MCTP1: variants seen among roughly 807,000 people sequenced by gnomAD.
MCTP1 encodes multiple C2 and transmembrane domain-containing protein 1.
Under a neutral mutation model 120.6 loss-of-function variants are expected in MCTP1, and 69 were observed. The observed-to-expected ratio is 0.57, with a 90% CI of 0.47 to 0.70. The LOEUF is 0.70. Among genes scored for constraint, MCTP1 ranks in the 30% least tolerant of loss-of-function variants. The probability of loss-of-function intolerance (pLI) is 0.00; values close to 1 mark genes in which losing one functional copy is unlikely to be tolerated. For synonymous variants in MCTP1, 529 were observed against 493.1 expected, an observed-to-expected ratio of 1.07 and a Z score of -0.96; for missense variants, 1,203 against 1,248.8, an observed-to-expected ratio of 0.96 and a Z score of 0.55.
chr5:94,985,265 A>C (rs951539473), intron 2 of MCTP1, among the ~76,000 whole-genome samples: 10 of 152,194 alleles, frequency 6.6e-5, no homozygotes, highest in African/African-American at 2.4e-4. Flanking sequence ...TTTAATTGTT[A>C]ATATGTTACA....
At chr5:95,123,293 T>TA (rs144306723) in intron 1 of MCTP1, among the ~76,000 whole-genome samples, 6 of 150,410 alleles carry the variant, frequency 4.0e-5, no homozygotes, top group South Asian at 4.4e-4. Flanking sequence ...CTAGCACAAC[T>TA]AAAAAAAAAT....
intron 1 of MCTP1, among the ~76,000 whole-genome samples, chr5:95,048,625 C>T (rs954207617): frequency 2.6e-5 from 4 of 152,082 alleles, no homozygotes; most frequent in African/African-American, 9.7e-5. Context: ...AATAAGAAGC[C>T]CAAGTACCAA....
chr5:95,231,764 A>G (rs1754974219), intron 1 of MCTP1, among the ~76,000 whole-genome samples: 2 of 152,294 alleles, frequency 1.3e-5, no homozygotes, highest in South Asian at 4.1e-4. Flanking sequence ...ATAAAAATAT[A>G]TTGTGGAATT....
chr5:94,707,352 T>C lies in MCTP1; in HGVS notation c.*144A>G. 1 of 640,316 alleles carries C rather than the reference T, an allele frequency of 1.6e-6. No homozygotes were observed. Among genetic ancestry groups the C allele is most frequent in the Non-Finnish European group, 2.7e-6 (1 of 365,100 alleles). 39.7% of individuals were successfully genotyped at this position (640,316 alleles called of 1,614,324 possible). A position where few individuals can be genotyped will look rare whatever the true frequency, so the allele number is the denominator to read the frequency against. On this transcript the variant is annotated 3_prime_UTR_variant, in exon 23 of 23. Coordinates refer to ENST00000515393, the MANE Select transcript of MCTP1 (RefSeq NM_024717.7). ...AGTATATATTCAAAGACATATGCCT[T>C]TGTACACTATTTACAGATTCTCTCG...
chr5:95,248,336 A>C (rs1418771914), intron 1 of MCTP1, among the ~76,000 whole-genome samples: 1 of 152,232 alleles, frequency 6.6e-6, no homozygotes, highest in Non-Finnish European at 1.5e-5. Context: ...CTCAGGATAC[A>C]AAATCAATGT....
intron 1 of MCTP1, among the ~76,000 whole-genome samples, chr5:95,146,963 T>C (rs1760443906): frequency 6.6e-6 from 1 of 152,236 alleles, no homozygotes; most frequent in Non-Finnish European, 1.5e-5. Context: ...TCTAATGCTA[T>C]CAGTGGGGTG....
chr5:94,908,895 T>A (rs528503842), intron 10 of MCTP1, among the ~76,000 whole-genome samples: 1 of 152,196 alleles, frequency 6.6e-6, no homozygotes, highest in Non-Finnish European at 1.5e-5. Context: ...GGTGATAGTA[T>A]GCTTTATGAA....
Position 94,759,711 on chromosome 5 carries a change from T to C in MCTP1, c.2610+19399A>G, listed in dbSNP as rs765396669. Among the ~76,000 whole-genome samples, 29 of 152,092 alleles carry C rather than the reference T, an allele frequency of 1.9e-4. 1 individual carries two copies. The highest frequency in any genetic ancestry group is 3.1e-4 in the Non-Finnish European group (21 of 67,988). On this transcript the variant is annotated intron_variant, in intron 19 of 22. Transcript: ENST00000515393. Reference sequence around the variant, plus strand: ...ATGCTTTTTAGGCAGCCTAATATCATTGCCAGGTAGACTACCACATAACCT... The same window carrying C: ...ATGCTTTTTAGGCAGCCTAATATCACTGCCAGGTAGACTACCACATAACCT...
chr5:94,988,532 T>C (rs1581715571), intron 2 of MCTP1, among the ~76,000 whole-genome samples: 1 of 152,148 alleles, frequency 6.6e-6, no homozygotes, highest in South Asian at 2.1e-4. Context: ...CATTGGATGC[T>C]ATAAAAATGA....
At chr5:94,929,576 A>T in intron 6 of MCTP1, 2 of 788,070 alleles carry the variant, frequency 2.5e-6, no homozygotes, top group South Asian at 1.2e-4. Context: ...ATGCATTTTC[A>T]TAAAACAGTA....
At chr5:95,185,639 A>G (rs1041277677) in intron 1 of MCTP1, among the ~76,000 whole-genome samples, 1 of 151,938 alleles carries the variant, frequency 6.6e-6, no homozygotes, top group Non-Finnish European at 1.5e-5. Context: ...AAAATTAGCC[A>G]GGCATGGCAG....
At chr5:95,126,986 T>C (rs1051664419) in intron 1 of MCTP1, among the ~76,000 whole-genome samples, 1 of 152,202 alleles carries the variant, frequency 6.6e-6, no homozygotes, top group Non-Finnish European at 1.5e-5. Flanking sequence ...CCTTGAGCTC[T>C]CCGTGTTACT....
intron 6 of MCTP1, among the ~76,000 whole-genome samples, chr5:94,927,492 A>G (rs1207108921): frequency 6.6e-6 from 1 of 152,204 alleles, no homozygotes; most frequent in Non-Finnish European, 1.5e-5. Flanking sequence ...ATGGCACCTA[A>G]GAAAAGCCAT....
chr5:94,781,862 C>T (rs1187873884), intron 18 of MCTP1, among the ~76,000 whole-genome samples: 14 of 152,136 alleles, frequency 9.2e-5, no homozygotes, highest in Admixed American at 9.2e-4. Flanking sequence ...TTACATTTGG[C>T]AGAAAAGTGT....
chr5:94,930,267 A>ATTTTTTTT (rs869306266), intron 6 of MCTP1, among the ~76,000 whole-genome samples: 6 of 100,926 alleles, frequency 5.9e-5, no homozygotes, highest in Non-Finnish European at 9.4e-5. Context: ...TTAAAGAAGA[A>ATTTTTTTT]TTTTTTTTTT....
chr5:94,796,121 G>GTTTCT (rs1250361045), intron 18 of MCTP1, among the ~76,000 whole-genome samples: 1 of 152,092 alleles, frequency 6.6e-6, no homozygotes, highest in African/African-American at 2.4e-5. Flanking sequence ...CTTTCACAGT[G>GTTTCT]TTTCTTTTCT....
chr5:95,001,506 G>C (rs886724800), intron 2 of MCTP1, among the ~76,000 whole-genome samples: 2 of 152,186 alleles, frequency 1.3e-5, no homozygotes, highest in African/African-American at 4.8e-5. Context: ...CCAAAATGCT[G>C]ATAGTAATAT....
rs141350480 is a variant in MCTP1, at chr5:95,156,004, G to C, written c.720+127852C>G. ...TGGCTAGGACCTGAGGTGGCCTCTA[G>C]GAGCTGAAAGCAATCCCTGGCCAAC... On this transcript the variant is annotated intron_variant, in intron 1 of 22. Coordinates refer to ENST00000515393, the MANE Select transcript of MCTP1 (RefSeq NM_024717.7). Among the ~76,000 whole-genome samples, 81 of 152,310 alleles carry C rather than the reference G, an allele frequency of 5.3e-4. 1 individual carries two copies. Among genetic ancestry groups the C allele is most frequent in the Non-Finnish European group, 9.6e-4 (65 of 68,012 alleles).
chr5:94,896,995 G>A (rs1804173106), intron 10 of MCTP1, among the ~76,000 whole-genome samples: 1 of 152,132 alleles, frequency 6.6e-6, no homozygotes, highest in Non-Finnish European at 1.5e-5. Context: ...AAGTAACCAT[G>A]CATCCCAGGA....
Sources: gnomAD v4.1 joint callset for allele counts (sites outside exome capture counted in the v4.1 genomes callset) on GRCh38, gnomAD v4.1.1 for gene constraint, MANE v1.5 for transcripts, NCBI Gene and HGNC (gene_info 2026-07-23, HGNC 2026-07-21) for gene names.